ERMN: variants seen among roughly 807,000 people sequenced by gnomAD.
ERMN encodes the protein ermin, ERM-like protein.
A neutral mutation model predicts 21.4 loss-of-function variants in ERMN; 17 were observed. That is an observed-to-expected ratio of 0.80 (90% CI 0.54 to 1.19). The LOEUF (loss-of-function observed/expected upper bound fraction) is 1.19. Among genes scored for constraint, ERMN ranks in the 50% most tolerant of loss-of-function variants. ERMN has a pLI of 0.00. For synonymous variants in ERMN, 115 were observed against 111.9 expected (o/e 1.03, Z -0.17); for missense variants, 348 against 331.6 (o/e 1.05, Z -0.38).
rs374919878 is a variant in ERMN at position 157,325,650 on chromosome 2, G to A, written c.-8C>T. The stretch of plus-strand genomic sequence containing the variant: ...AGCCGGAACATCTGTCATGATGTGC[G>A]GTTGAATCCGATCTGGAGAGAGAGC... On this transcript the variant is annotated 5_prime_UTR_variant, in exon 1 of 3. Coordinates refer to ENST00000410096, the MANE Select transcript of ERMN (RefSeq NM_020711.3). The A allele has an allele frequency of 2.0e-5, 32 of 1,614,020 alleles. No individual in the cohort carries two copies. Among genetic ancestry groups the A allele is most frequent in the Middle Eastern group, 1.6e-4 (1 of 6,084 alleles).
chr2:157,327,574 C>G (rs1684097468), upstream of ERMN: 5 of 723,110 alleles, frequency 6.9e-6, no homozygotes, highest in Admixed American at 7.7e-5. Flanking sequence ...AGTAAGGTCA[C>G]AGAGCCAGCA....
upstream of ERMN, chr2:157,327,419 C>T (rs991971096): frequency 7.7e-6 from 6 of 776,150 alleles, no homozygotes; most frequent in African/African-American, 6.8e-5. Context: ...TCATATCACA[C>T]TTATTATGTG....
At chr2:157,327,342 C>G (rs1234846910), upstream of ERMN, 1 of 666,248 alleles carries the variant, frequency 1.5e-6, no homozygotes, top group Non-Finnish European at 2.8e-6. Context: ...CGCGTCATCA[C>G]CAGCTGTTCT....
intron 2 of ERMN, among the ~76,000 whole-genome samples, chr2:157,323,939 T>C (rs1404983462): frequency 1.3e-5 from 2 of 152,190 alleles, no homozygotes; most frequent in Non-Finnish European, 2.9e-5. Flanking sequence ...AAGTAAATCA[T>C]TTCGTGAGAT....
chr2:157,324,216 C>T, intron 2 of ERMN: 1 of 244,346 alleles, frequency 4.1e-6, no homozygotes, highest in South Asian at 3.8e-5. Flanking sequence ...AGGTTGCAGT[C>T]TGCCGAGATT....
intron 1 of ERMN, chr2:157,325,171 G>A: frequency 1.5e-6 from 1 of 664,602 alleles, no homozygotes; most frequent in Admixed American, 2.1e-5. Flanking sequence ...CCTTCTTCTA[G>A]TGAAAAAAAC....
At chr2:157,324,162 C>T in intron 2 of ERMN, 1 of 260,942 alleles carries the variant, frequency 3.8e-6, no homozygotes, top group Non-Finnish European at 7.7e-6. Context: ...ATCCCAGTTA[C>T]TCAGGAAGCT....
chr2:157,322,246 GCACACACA>G (rs61536459), intron 2 of ERMN, among the ~76,000 whole-genome samples: 1 of 142,018 alleles, frequency 7.0e-6, no homozygotes, highest in Non-Finnish European at 1.6e-5. Context: ...ACACACACAC[GCACACACA>G]CACACACACA....
chr2:157,325,568 T>G lies in ERMN; in HGVS notation c.75A>C (p.Thr25=), dbSNP rs770469278. The G allele has an allele frequency of 1.6e-5, 26 of 1,614,046 alleles. No homozygotes were observed. Among genetic ancestry groups the G allele is most frequent in the Non-Finnish European group, 2.1e-5 (25 of 1,180,032 alleles). Reference sequence around the variant, plus strand: ...TCAATTCCTCACTGATTTTAGTGATTGTTTGTTGACCGTTTTCAGGTGGTT... The same window carrying G: ...TCAATTCCTCACTGATTTTAGTGATGGTTTGTTGACCGTTTTCAGGTGGTT... ...GDKPPENGQQ[T]ITKISEELTD... The change falls in exon 1 of 3, where the codon ACA becomes ACC. Residue 25 remains threonine (T), a synonymous_variant. Transcript: ENST00000410096.
rs1476472250 is a variant in ERMN at position 157,324,694 on chromosome 2, C to T, written c.310G>A (p.Ala104Thr). ...CCTTCTCTGAATGTCATTTCATCAG[C>T]ACTAGTTTCTTGGAGAGAAAGATCT... is the stretch of plus-strand genomic sequence containing the variant. ...ITDLSLQETSADEMTFREGHQ... is the reference protein window; with the variant it reads ...ITDLSLQETSTDEMTFREGHQ... Residue 104 changes from alanine to threonine, a missense_variant, in exon 2 of 3, where the codon GCT (alanine) becomes ACT (threonine). Coordinates refer to ENST00000410096, the MANE Select transcript of ERMN (RefSeq NM_020711.3). 1 of 1,613,362 alleles carries T rather than the reference C, an allele frequency of 6.2e-7. No individual in the cohort carries two copies. The highest frequency in any genetic ancestry group is 1.1e-5 in the South Asian group (1 of 91,040).
chr2:157,327,694 T>TGGCAGTAGAGACAGTTGTGGCCAGGAGAG (rs1247516902), upstream of ERMN: 1 of 538,214 alleles, frequency 1.9e-6, no homozygotes, highest in Non-Finnish European at 3.3e-6. Flanking sequence ...ATTAGCACCT[T>TGGCAGTAGAGACAGTTGTGGCCAGGAGAG]GGCAGTAGAG....
At chr2:157,326,307 T>A (rs1276243637), upstream of ERMN, among the ~76,000 whole-genome samples, 2 of 152,244 alleles carry the variant, frequency 1.3e-5, no homozygotes, top group African/African-American at 4.8e-5. Context: ...GGCTGCAGAT[T>A]TGATGGTGTG....
At position 157,322,246 on chromosome 2, in the gene ERMN, G is replaced by A. The variant is rs74918232; in HGVS notation, c.335-455C>T. ...TTTTCTCACACATACACACACACACGCACACACACACACACACACACACAC... is the reference window on the plus strand; with the variant it reads ...TTTTCTCACACATACACACACACACACACACACACACACACACACACACAC... On this transcript the variant is annotated intron_variant, in intron 2 of 2. Coordinates refer to ENST00000410096, the MANE Select transcript of ERMN (RefSeq NM_020711.3). Among the ~76,000 whole-genome samples, 523 of 142,082 alleles carry A rather than the reference G, an allele frequency of 3.7e-3. 2 individuals are homozygous for A. Among genetic ancestry groups the A allele is most frequent in the African/African-American group, 0.012 (465 of 39,688 alleles). 93.2% of individuals were successfully genotyped at this position (142,082 alleles called of 152,430 possible).
upstream of ERMN, chr2:157,325,846 G>A: frequency 7.0e-7 from 1 of 1,422,464 alleles, no homozygotes; most frequent in Admixed American, 2.8e-5. Flanking sequence ...AAGAGGATTT[G>A]TCAGATCTGC....
Position 157,325,808 on chromosome 2 carries a change from G to T in ERMN, c.-166C>A. 6.8e-7 allele frequency: 1 copy of T among 1,476,660 alleles called. No homozygotes were observed. Among genetic ancestry groups the T allele is most frequent in the African/African-American group, 1.4e-5 (1 of 71,560 alleles). 91.5% of individuals were successfully genotyped at this position (1,476,660 alleles called of 1,614,324 possible). ...TAATAACAAGGTTCTTTTCCTAAAA[G>T]TATCCAGACAGAGATTAGAGCAAAA... On this transcript the variant is annotated 5_prime_UTR_variant, in exon 1 of 3. Transcript: ENST00000410096.
intron 2 of ERMN, among the ~76,000 whole-genome samples, chr2:157,323,311 A>G (rs185236098): frequency 6.6e-6 from 1 of 152,376 alleles, no homozygotes; most frequent in East Asian, 1.9e-4. Flanking sequence ...AACTTGTTAC[A>G]TTGGAAGCAG....
At chr2:157,324,873 T>G (rs1684021023) in intron 1 of ERMN, 111 bp from the exon 2 acceptor site, 1 of 666,378 alleles carries the variant, frequency 1.5e-6, no homozygotes, top group African/African-American at 1.9e-5. Flanking sequence ...TTAAATCTGA[T>G]CATTAAAATT....
chr2:157,320,211 T>A lies in ERMN; in HGVS notation c.*1060A>T, dbSNP rs1220044274. On this transcript the variant is annotated 3_prime_UTR_variant, in exon 3 of 3. Coordinates refer to ENST00000410096, the MANE Select transcript of ERMN (RefSeq NM_020711.3). ...CAAGTACAATTTTAAGCATCTTGAT[T>A]TGGGCTGAGGTCCAGTAAATTATAT... 1 of 152,598 alleles carries A rather than the reference T, an allele frequency of 6.6e-6. No individual in the cohort carries two copies. The highest frequency in any genetic ancestry group is 1.5e-5 in the Non-Finnish European group (1 of 68,012). 9.5% of individuals were successfully genotyped at this position (152,598 alleles called of 1,614,324 possible).
At position 157,321,785 on chromosome 2, in the gene ERMN, T is replaced by C; in HGVS notation, c.341A>G (p.Gln114Arg). ...GCCACTCAGAGGAATCTTCTCCCACTGATGCCCTGTAGCAAAATCAATTGG... is the reference window on the plus strand; with the variant it reads ...GCCACTCAGAGGAATCTTCTCCCACCGATGCCCTGTAGCAAAATCAATTGG... ...ADEMTFREGH[Q>R]WEKIPLSGSN... The change falls in exon 3 of 3, where the codon CAG (glutamine) becomes CGG (arginine). Residue 114 changes from glutamine (Q) to arginine (R), a missense_variant. Transcript: ENST00000410096. 6.2e-7 allele frequency: 1 copy of C among 1,603,552 alleles called. No individual in the cohort carries two copies. Among genetic ancestry groups the C allele is most frequent in the Non-Finnish European group, 8.5e-7 (1 of 1,176,226 alleles).
Sources: allele counts gnomAD v4.1 joint callset (sites outside exome capture counted in the v4.1 genomes callset), GRCh38; gene constraint gnomAD v4.1.1; transcripts MANE v1.5; gene names NCBI Gene and HGNC (gene_info 2026-07-23, HGNC 2026-07-21).